The following SLC17A9 variants were observed in gnomAD, a reference collection of about 807,000 sequenced individuals.
The protein encoded by SLC17A9 is voltage-gated purine nucleotide uniporter SLC17A9.
Under a neutral mutation model 55.0 loss-of-function variants are expected in SLC17A9, and 49 were observed. The observed-to-expected ratio is 0.89, with a 90% CI of 0.71 to 1.13. The LOEUF is 1.13. SLC17A9 is among the 50% of genes most tolerant of loss of function. The pLI, the probability that SLC17A9 is intolerant of heterozygous loss-of-function variation, is 0.00. For missense variants in SLC17A9, 526 were observed against 569.3 expected (o/e 0.92, Z 0.77); for synonymous variants, 256 against 247.4 (o/e 1.03, Z -0.32).
rs6122334 is a variant in SLC17A9 at position 62,959,266 on chromosome 20, C to T, written c.398-1238C>T. ...TGTCCTCGTGGGCAGCTCTGGGGAC[C>T]CAGCAGGCAGCCAGACCCCGTAGGC... On this transcript the variant is annotated intron_variant, in intron 3 of 12. Coordinates refer to ENST00000370351, the MANE Select transcript of SLC17A9 (RefSeq NM_022082.4). 2.8e-4 allele frequency among the ~76,000 whole-genome samples: 42 copies of T among 152,328 alleles called. No individual in the cohort carries two copies. The East Asian group carries it at 7.7e-3, about 28-fold the overall frequency.
intron 6 of SLC17A9, 43 bp downstream of exon 6, chr20:62,963,412 C>T (rs542316238): frequency 1.8e-5 from 29 of 1,594,586 alleles, no homozygotes; most frequent in East Asian, 1.3e-4. Context: ...GCGGCAGGGC[C>T]GGTGACCATG....
intron 5 of SLC17A9, 193 bp from the exon 6 acceptor site, chr20:62,963,080 C>T: frequency 1.5e-6 from 1 of 669,008 alleles, no homozygotes; most frequent in East Asian, 2.7e-5. Context: ...GTTCAGAACG[C>T]GGTTCTCAAA....
chr20:62,961,876 C>T (rs1380824961), intron 4 of SLC17A9, among the ~76,000 whole-genome samples: 1 of 152,146 alleles, frequency 6.6e-6, no homozygotes, highest in East Asian at 1.9e-4. Context: ...CCCAGCCCGC[C>T]CTGGTGCCCA....
intron 1 of SLC17A9, chr20:62,953,151 G>A (rs1188540727): frequency 6.5e-7 from 1 of 1,527,122 alleles, no homozygotes; most frequent in African/African-American, 1.4e-5. Context: ...TCCAGGCAGG[G>A]CTATGTTCCC....
In SLC17A9 at chr20:62,969,470, G is replaced by A. The variant is rs547548850; in HGVS notation, c.*1970G>A. ...ACCAGTGCCAGTGGGCGCACGCTGG[G>A]TTTGCCTACGTCTGGCTTACTTCAC... is the stretch of plus-strand genomic sequence containing the variant. On this transcript the variant is annotated 3_prime_UTR_variant, in exon 13 of 13. Transcript: ENST00000370351. 1 of 152,258 alleles carries A rather than the reference G, an allele frequency of 6.6e-6. No individual in the cohort carries two copies. The highest frequency in any genetic ancestry group is 1.5e-5 in the Non-Finnish European group (1 of 68,016). The allele number at this position is 152,258 out of a possible 1,614,324, so 9.4% of individuals were successfully genotyped here.
At chr20:62,965,786 C>T in intron 10 of SLC17A9, 61 bp downstream of exon 10, 1 of 1,484,162 alleles carries the variant, frequency 6.7e-7, no homozygotes, top group East Asian at 2.3e-5. Context: ...GAGGCCCGCA[C>T]ATGTGAAGAG....
At chr20:62,952,949 A>C in intron 1 of SLC17A9, 60 bp downstream of exon 1, 1 of 1,415,086 alleles carries the variant, frequency 7.1e-7, no homozygotes. Context: ...GTGGGGAGGG[A>C]GCTGAGATAC....
At chr20:62,963,718 G>T in intron 7 of SLC17A9, 38 bp downstream of exon 7, 1 of 1,539,126 alleles carries the variant, frequency 6.5e-7, no homozygotes. Context: ...GGAGCGCCCA[G>T]AAGGCACGAG....
intron 1 of SLC17A9, chr20:62,953,135 G>A (rs1343538582): frequency 1.3e-6 from 2 of 1,505,832 alleles, no homozygotes; most frequent in African/African-American, 2.8e-5. Flanking sequence ...GTGTTCCTGG[G>A]GCTCTTCCAG....
intron 1 of SLC17A9, among the ~76,000 whole-genome samples, chr20:62,954,355 G>A (rs971093641): frequency 2.6e-5 from 4 of 152,188 alleles, no homozygotes; most frequent in Admixed American, 2.0e-4. Flanking sequence ...CACACTCTCC[G>A]GTTTGCTGCT....
At chr20:62,964,424 T>A in intron 8 of SLC17A9, 109 bp downstream of exon 8, 1 of 1,116,858 alleles carries the variant, frequency 9.0e-7, no homozygotes, top group East Asian at 2.4e-5. Context: ...CACGGAGAGC[T>A]GGGACAGAGG....
chr20:62,960,361 C>G, intron 3 of SLC17A9, 143 bp from the exon 4 acceptor site: 3 of 734,666 alleles, frequency 4.1e-6, no homozygotes, highest in Non-Finnish European at 4.5e-6. Flanking sequence ...ACCAAAAGCC[C>G]TGCCCTGCTG....
chr20:62,957,397 G>C (rs1298700214), intron 2 of SLC17A9, 44 bp from the exon 3 acceptor site: 1 of 1,541,934 alleles, frequency 6.5e-7, no homozygotes, highest in Admixed American at 2.0e-5. Flanking sequence ...GTGCCCCTTG[G>C]TCCTGCACAG....
chr20:62,957,112 A>G, intron 2 of SLC17A9, 150 bp downstream of exon 2: 1 of 1,328,552 alleles, frequency 7.5e-7, no homozygotes, highest in Admixed American at 2.4e-5. Flanking sequence ...CTCCTGGGGA[A>G]GGAGCTTCGT....
At position 62,962,850 on chromosome 20, in the gene SLC17A9, G is replaced by A. The variant is rs939711209; in HGVS notation, c.628+96G>A. On this transcript the variant is annotated intron_variant, in intron 5 of 12. Transcript: ENST00000370351. This position sits in a 1 kb window ranked among gnomAD's most constrained non-coding sequence, Gnocchi z 5.5. The stretch of plus-strand genomic sequence containing the variant: ...GCTGAGCAGCCTGGAGCAGGAGCCC[G>A]GAGACGATGGCTTTGACCTCCCAAA... The A allele has an allele frequency of 1.6e-5, 24 of 1,519,216 alleles. No individual in the cohort carries two copies. Among genetic ancestry groups the A allele is most frequent in the African/African-American group, 5.5e-5 (4 of 72,230 alleles). The allele number at this position is 1,519,216 out of a possible 1,614,324, so 94.1% of individuals were successfully genotyped here.
chr20:62,963,167 G>T, intron 5 of SLC17A9, 106 bp from the exon 6 acceptor site: 2 of 1,162,984 alleles, frequency 1.7e-6, no homozygotes, highest in Non-Finnish European at 2.5e-6. Flanking sequence ...AGGCATGGAC[G>T]AGGCCTGCTG....
At chr20:62,967,114 G>T (rs1238735077) in intron 12 of SLC17A9, 4 of 600,758 alleles carry the variant, frequency 6.7e-6, no homozygotes, top group Non-Finnish European at 1.2e-5. Context: ...CTTGTTACCA[G>T]GCCATTTTCT....
rs2065664801 is a variant in SLC17A9 at position 62,969,389 on chromosome 20, A to C, written c.*1889A>C. ...GGCTAGCTCCCCGTTGCTCTCCCCC[A>C]GCCCCGGCAACCCCATTCCACTTTG... is the stretch of plus-strand genomic sequence containing the variant. On this transcript the variant is annotated 3_prime_UTR_variant, in exon 13 of 13. Coordinates refer to ENST00000370351, the MANE Select transcript of SLC17A9 (RefSeq NM_022082.4). The C allele has an allele frequency of 6.6e-6, 1 of 151,942 alleles. No homozygotes were observed. Among genetic ancestry groups the C allele is most frequent in the Non-Finnish European group, 1.5e-5 (1 of 67,986 alleles). 9.4% of individuals were successfully genotyped at this position (151,942 alleles called of 1,614,324 possible).
chr20:62,956,561 C>T (rs2065538258), intron 1 of SLC17A9, among the ~76,000 whole-genome samples: 1 of 152,170 alleles, frequency 6.6e-6, no homozygotes, highest in Admixed American at 6.5e-5. Flanking sequence ...AGCCACTGTG[C>T]CTCATTTCTG....
Sources: allele counts gnomAD v4.1 joint callset (sites outside exome capture counted in the v4.1 genomes callset), GRCh38; gene constraint gnomAD v4.1.1; non-coding constraint Gnocchi (gnomAD v3.1); transcripts MANE v1.5; gene names NCBI Gene and HGNC (gene_info 2026-07-23, HGNC 2026-07-21).